PEAK1: variants seen among roughly 807,000 people sequenced by gnomAD.
The protein encoded by PEAK1 is inactive tyrosine-protein kinase PEAK1.
In PEAK1, 54 loss-of-function variants were observed where a neutral mutation model predicts 124.7. That is an observed-to-expected ratio of 0.43 (90% CI 0.35 to 0.54). The LOEUF is 0.54. PEAK1 is among the 20% of genes least tolerant of loss of function. The pLI is 0.01. For synonymous variants in PEAK1, 719 were observed against 760.0 expected (o/e 0.95, Z 0.89); for missense variants, 2,046 against 2,134.5 (o/e 0.96, Z 0.82).
At chr15:77,309,452 C>A (rs2064304139) in intron 2 of PEAK1, among the ~76,000 whole-genome samples, 1 of 151,868 alleles carries the variant, frequency 6.6e-6, no homozygotes, top group Non-Finnish European at 1.5e-5. Flanking sequence ...AACACCTTTA[C>A]AGCTTCCAGA....
intron 2 of PEAK1, among the ~76,000 whole-genome samples, chr15:77,302,224 G>A (rs2063824002): frequency 6.6e-6 from 1 of 152,072 alleles, no homozygotes; most frequent in South Asian, 2.1e-4. Context: ...AATTGCTACT[G>A]GAGTTTCATT....
rs1245649655 is a variant in PEAK1, at chr15:77,110,334, C to A, written c.*3822G>T. On this transcript the variant is annotated 3_prime_UTR_variant, in exon 10 of 10. Coordinates refer to ENST00000682557, the MANE Select transcript of PEAK1 (RefSeq NM_001385026.1). ...TCTCAAACTCCTGACCTCAGGTGAT[C>A]TGCCCACCTCGCCCTCCTAAAGTGT... is the stretch of plus-strand genomic sequence containing the variant. 1.3e-5 allele frequency: 2 copies of A among 152,238 alleles called. No homozygotes were observed. The highest frequency in any genetic ancestry group is 4.8e-5 in the African/African-American group (2 of 41,446). 9.4% of individuals were successfully genotyped at this position (152,238 alleles called of 1,614,324 possible).
At chr15:77,166,667 T>C (rs754990846) in intron 7 of PEAK1, among the ~76,000 whole-genome samples, 6 of 152,246 alleles carry the variant, frequency 3.9e-5, no homozygotes, top group Non-Finnish European at 7.3e-5. Context: ...GAGATTAAGT[T>C]ACTTGCTTCA....
At chr15:77,413,916 C>T (rs986340632) in intron 1 of PEAK1, among the ~76,000 whole-genome samples, 1 of 152,130 alleles carries the variant, frequency 6.6e-6, no homozygotes, top group African/African-American at 2.4e-5. Context: ...CTCTACCATC[C>T]AGGCTCAAGT....
At chr15:77,393,605 G>A (rs975851450) in intron 1 of PEAK1, among the ~76,000 whole-genome samples, 1 of 152,176 alleles carries the variant, frequency 6.6e-6, no homozygotes, top group Non-Finnish European at 1.5e-5. Flanking sequence ...GGACTCCTTG[G>A]CCCTGAATAA....
chr15:77,115,312 T>G lies in PEAK1; in HGVS notation c.4085A>C (p.Lys1362Thr). Residue 1362 changes from lysine to threonine, a missense_variant, in exon 10 of 10, where the codon AAG (lysine) becomes ACG (threonine). Lys to Thr is a moderately conservative substitution (Grantham distance 78). Coordinates refer to ENST00000682557, the MANE Select transcript of PEAK1 (RefSeq NM_001385026.1). ...PLNNYAVKIC[K>T]SKAKESQQYY... The stretch of plus-strand genomic sequence containing the variant: ...CTGCTGAGATTCTTTAGCTTTGCTC[T>G]TACAGATCTGAAAGATAATAAAACA... 6.2e-7 allele frequency: 1 copy of G among 1,611,136 alleles called. No homozygotes were observed. The highest frequency in any genetic ancestry group is 8.5e-7 in the Non-Finnish European group (1 of 1,177,632).
rs763916282 is a variant in PEAK1 at position 77,114,443 on chromosome 15, C to T, written c.4954G>A (p.Glu1652Lys). ...ASCLLNPNPS[E>K]RILISDAKGI... ...TTGGCGTCTGAAATGAGGATCCGCT[C>T]AGAAGGGTTGGGATTCAGGAGGCAG... The change falls in exon 10 of 10, where the codon GAG becomes AAG. Residue 1652 changes from glutamate to lysine, a missense_variant. By Grantham distance (56) the Glu-to-Lys change is moderately conservative. Transcript: ENST00000682557. 3 of 1,613,908 alleles carry T rather than the reference C, an allele frequency of 1.9e-6. No individual in the cohort carries two copies. The highest frequency in any genetic ancestry group is 1.7e-6 in the Non-Finnish European group (2 of 1,180,016).
At chr15:77,273,899 CA>C (rs1311177337) in intron 5 of PEAK1, among the ~76,000 whole-genome samples, 1 of 152,056 alleles carries the variant, frequency 6.6e-6, no homozygotes, top group African/African-American at 2.4e-5. Flanking sequence ...CCATAGTCAC[CA>C]AAACAGCATT....
chr15:77,158,693 G>A lies in PEAK1; in HGVS notation c.3141C>T (p.His1047=), dbSNP rs1293521648. 2.5e-6 allele frequency: 4 copies of A among 1,612,818 alleles called. No homozygotes were observed. In the African/African-American group the frequency reaches 5.3e-5, roughly 22 times the overall value. Residue 1047 remains histidine (H), a synonymous_variant, in exon 8 of 10, where the codon CAC becomes CAT. Transcript: ENST00000682557. ...AATCCTCTGTTACTTCATGGGTCAT[G>A]TGACTGAAACAAATCAGACCACTTG... ...PSQIPKKILS[H]MTHEVTEDFS... is the part of the protein sequence containing the mutation.
chr15:77,161,116 C>A (rs1458287159), intron 7 of PEAK1, among the ~76,000 whole-genome samples: 1 of 152,168 alleles, frequency 6.6e-6, no homozygotes, highest in Non-Finnish European at 1.5e-5. Context: ...GAAAACTCAC[C>A]CGCTGTGCTC....
At chr15:77,193,303 C>A (rs532934930) in intron 6 of PEAK1, among the ~76,000 whole-genome samples, 29 of 152,256 alleles carry the variant, frequency 1.9e-4, no homozygotes, top group Admixed American at 1.0e-3. Flanking sequence ...TTTATAGACT[C>A]ATTTTACACA....
chr15:77,325,518 C>A (rs1467540633), intron 2 of PEAK1, among the ~76,000 whole-genome samples: 1 of 152,008 alleles, frequency 6.6e-6, no homozygotes, highest in Non-Finnish European at 1.5e-5. Flanking sequence ...AGCTGTCAAG[C>A]GCTTTTATAT....
Position 77,154,522 on chromosome 15 carries a change from G to T in PEAK1, c.3331+3981C>A, listed in dbSNP as rs956562783. Among the ~76,000 whole-genome samples the T allele has an allele frequency of 5.7e-3, 870 of 152,300 alleles. 3 individuals are homozygous for T. The highest frequency in any genetic ancestry group is 9.1e-3 in the Non-Finnish European group (622 of 68,040). Reference sequence around the variant, plus strand: ...TATTGTTATGTGTGAATTTGATCCTGTCATTATGATGTTAGCTGGTTATTT... The same window carrying T: ...TATTGTTATGTGTGAATTTGATCCTTTCATTATGATGTTAGCTGGTTATTT... On this transcript the variant is annotated intron_variant, in intron 8 of 9. Transcript: ENST00000682557.
intron 5 of PEAK1, chr15:77,278,519 G>C (rs2062462272): frequency 1.8e-5 from 9 of 493,986 alleles, no homozygotes; most frequent in South Asian, 1.2e-4. Context: ...CAAAGTGAGG[G>C]ACAAACCACA....
chr15:77,367,701 T>C (rs899314607), intron 1 of PEAK1, among the ~76,000 whole-genome samples: 6 of 152,250 alleles, frequency 3.9e-5, no homozygotes. Flanking sequence ...CCTTAAGTTA[T>C]GTACTTTCAA....
chr15:77,388,507 A>G (rs1375246463), intron 1 of PEAK1, among the ~76,000 whole-genome samples: 1 of 152,186 alleles, frequency 6.6e-6, no homozygotes, highest in Non-Finnish European at 1.5e-5. Context: ...TCGTTTACAG[A>G]AAAATATAAT....
intron 5 of PEAK1, among the ~76,000 whole-genome samples, chr15:77,270,067 G>C (rs1378711747): frequency 7.9e-5 from 12 of 152,086 alleles, no homozygotes; most frequent in Admixed American, 7.9e-4. Flanking sequence ...CTTTTGAGGA[G>C]TGCTTTACTT....
At chr15:77,368,411 G>A (rs1351091248) in intron 1 of PEAK1, among the ~76,000 whole-genome samples, 4 of 151,994 alleles carry the variant, frequency 2.6e-5, no homozygotes, top group Non-Finnish European at 2.9e-5. Flanking sequence ...CTAGCTACTA[G>A]GGAGGCTGAG....
intron 5 of PEAK1, among the ~76,000 whole-genome samples, chr15:77,279,298 C>T (rs56064013): frequency 2.7e-4 from 41 of 151,982 alleles, no homozygotes; most frequent in African/African-American, 9.4e-4. Context: ...GGAGGGATTC[C>T]CTGACTTAGA....
Sources: allele counts gnomAD v4.1 joint callset (sites outside exome capture counted in the v4.1 genomes callset), GRCh38; gene constraint gnomAD v4.1.1; transcripts MANE v1.5; gene names NCBI Gene and HGNC (gene_info 2026-07-23, HGNC 2026-07-21).